Variants in PAAF1 observed in about 807,000 individuals in gnomAD.
The protein encoded by PAAF1 is proteasomal ATPase associated factor 1.
Under a neutral mutation model 52.8 loss-of-function variants are expected in PAAF1, and 46 were observed. The observed-to-expected ratio is 0.87, with a 90% CI of 0.69 to 1.11. The LOEUF (loss-of-function observed/expected upper bound fraction) is 1.11, where lower values mean the gene tolerates loss of function less well. PAAF1 is among the 50% of genes most tolerant of loss of function. The pLI is 0.00. For missense variants in PAAF1, 424 were observed against 477.4 expected, an observed-to-expected ratio of 0.89 and a Z score of 1.04; for synonymous variants, 178 against 172.8, an observed-to-expected ratio of 1.03 and a Z score of -0.24.
At chr11:73,922,004 T>G in intron 10 of PAAF1, 1 of 821,588 alleles carries the variant, frequency 1.2e-6, no homozygotes, top group South Asian at 1.3e-5. Flanking sequence ...TCCTGTCAGC[T>G]TCATTCTTAA....
Position 73,927,499 on chromosome 11 carries a change from G to A in PAAF1, c.*137G>A. ...CCTTGGAAATCACAGAAAGTCAGCT[G>A]TACTGGCCGTGTGGAACTCTCATCC... is the stretch of plus-strand genomic sequence containing the variant. On this transcript the variant is annotated 3_prime_UTR_variant, in exon 12 of 12. Coordinates refer to ENST00000310571, the MANE Select transcript of PAAF1 (RefSeq NM_025155.3). The A allele has an allele frequency of 1.4e-6, 1 of 716,830 alleles. No homozygotes were observed. Among genetic ancestry groups the A allele is most frequent in the Non-Finnish European group, 2.4e-6 (1 of 418,624 alleles). The allele number at this position is 716,830 out of a possible 1,614,324, so 44.4% of individuals were successfully genotyped here.
At position 73,921,298 on chromosome 11, in the gene PAAF1, G is replaced by A. The variant is rs1368895105; in HGVS notation, c.1018+2266G>A. 4.4e-5 allele frequency among the ~76,000 whole-genome samples: 5 copies of A among 114,420 alleles called. No individual in the cohort carries two copies. The East Asian group carries it at 9.5e-4, about 22-fold the overall frequency. The allele number at this position is 114,420 out of a possible 152,430, so 75.1% of individuals were successfully genotyped here. A position where few individuals can be genotyped will look rare whatever the true frequency, so the allele number is the denominator to read the frequency against. On this transcript the variant is annotated intron_variant, in intron 10 of 11. Transcript: ENST00000310571. The stretch of plus-strand genomic sequence containing the variant: ...CTCAGCGACAGAGTGAGACTGCCTC[G>A]CAAAAAAAAAAAAAAATCTCTGTTG...
chr11:73,926,889 T>C (rs769494625), intron 11 of PAAF1, among the ~76,000 whole-genome samples: 1 of 152,112 alleles, frequency 6.6e-6, no homozygotes, highest in Non-Finnish European at 1.5e-5. Flanking sequence ...GAGGAGTTGA[T>C]GAAATCCTCC....
At chr11:73,881,437 A>G (rs1179653354) in intron 2 of PAAF1, among the ~76,000 whole-genome samples, 2 of 151,934 alleles carry the variant, frequency 1.3e-5, no homozygotes, top group Non-Finnish European at 2.9e-5. Context: ...AGCTGGGACT[A>G]CTACCATGCC....
chr11:73,925,666 C>T (rs2135240487), intron 11 of PAAF1, among the ~76,000 whole-genome samples: 1 of 152,050 alleles, frequency 6.6e-6, no homozygotes, highest in Non-Finnish European at 1.5e-5. Context: ...TAGAGAAAAA[C>T]AAAAGGGGAA....
At chr11:73,910,168 C>G (rs1303339660) in intron 7 of PAAF1, among the ~76,000 whole-genome samples, 1 of 152,122 alleles carries the variant, frequency 6.6e-6, no homozygotes, top group African/African-American at 2.4e-5. Context: ...AGTGATGCTC[C>G]CACCACAGCC....
chr11:73,878,292 T>C (rs1021044001), intron 1 of PAAF1, among the ~76,000 whole-genome samples: 17 of 152,184 alleles, frequency 1.1e-4, no homozygotes, highest in Admixed American at 6.5e-4. Context: ...TGATAGAGGG[T>C]TGCTGTCAAC....
chr11:73,901,438 A>C (rs966637646), intron 6 of PAAF1, among the ~76,000 whole-genome samples: 10 of 152,196 alleles, frequency 6.6e-5, no homozygotes, highest in African/African-American at 2.4e-4. Context: ...ATATGTGATA[A>C]TATCCCCAAA....
intron 8 of PAAF1, among the ~76,000 whole-genome samples, chr11:73,916,324 A>AT (rs1221353044): frequency 6.6e-6 from 1 of 152,178 alleles, no homozygotes; most frequent in Non-Finnish European, 1.5e-5. Context: ...AGTATATTAT[A>AT]TAACCTGCTC....
chr11:73,882,292 G>A (rs1206051261), intron 2 of PAAF1, among the ~76,000 whole-genome samples: 10 of 148,806 alleles, frequency 6.7e-5, no homozygotes, highest in African/African-American at 1.7e-4. Context: ...GATTACAGGC[G>A]TGAGGCACCG....
At chr11:73,901,749 T>C (rs926900465) in intron 6 of PAAF1, among the ~76,000 whole-genome samples, 1 of 152,136 alleles carries the variant, frequency 6.6e-6, no homozygotes, top group Non-Finnish European at 1.5e-5. Flanking sequence ...TTTGTATTTT[T>C]AGTAGAGATG....
chr11:73,885,139 G>A (rs1949025855), intron 2 of PAAF1, among the ~76,000 whole-genome samples: 1 of 149,144 alleles, frequency 6.7e-6, no homozygotes, highest in Non-Finnish European at 1.5e-5. Context: ...GATTACAGGC[G>A]TGATATTCTT....
intron 10 of PAAF1, chr11:73,921,878 T>G: frequency 8.9e-7 from 1 of 1,122,354 alleles, no homozygotes; most frequent in Non-Finnish European, 1.3e-6. Context: ...TCTCCAGGAA[T>G]GGGAAAGTTA....
chr11:73,910,483 TA>T (rs1219223873), intron 7 of PAAF1, among the ~76,000 whole-genome samples: 1 of 152,038 alleles, frequency 6.6e-6, no homozygotes, highest in Non-Finnish European at 1.5e-5. Context: ...AAAGTTGAAT[TA>T]AGAGGGGTAG....
intron 6 of PAAF1, among the ~76,000 whole-genome samples, chr11:73,904,430 C>G (rs1949704286): frequency 6.6e-6 from 1 of 152,070 alleles, no homozygotes; most frequent in African/African-American, 2.4e-5. Flanking sequence ...ACATTGAGAC[C>G]AAATTACACC....
intron 5 of PAAF1, among the ~76,000 whole-genome samples, chr11:73,899,578 A>G (rs541716209): frequency 6.6e-6 from 1 of 151,698 alleles, no homozygotes; most frequent in South Asian, 2.1e-4. Flanking sequence ...CACACATCTA[A>G]TTTTTGTATT....
At chr11:73,894,027 T>G (rs1949278767) in intron 4 of PAAF1, among the ~76,000 whole-genome samples, 1 of 152,114 alleles carries the variant, frequency 6.6e-6, no homozygotes, top group South Asian at 2.1e-4. Context: ...GGTCTCAAAC[T>G]CCTGACTTCA....
chr11:73,927,248 C>T (rs780110898), intron 11 of PAAF1, 37 bp from the exon 12 acceptor site: 35 of 1,523,602 alleles, frequency 2.3e-5, no homozygotes, highest in Non-Finnish European at 2.6e-5. Context: ...TGGAAGAATC[C>T]CAGGCTTCCT....
At chr11:73,893,626 A>C (rs1055362602) in intron 4 of PAAF1, among the ~76,000 whole-genome samples, 2 of 150,148 alleles carry the variant, frequency 1.3e-5, no homozygotes, top group Non-Finnish European at 2.9e-5. Context: ...AATCCCAGCT[A>C]CTCGGGAGGT....
Sources: allele counts gnomAD v4.1 joint callset (sites outside exome capture counted in the v4.1 genomes callset), GRCh38; gene constraint gnomAD v4.1.1; transcripts MANE v1.5; gene names NCBI Gene and HGNC (gene_info 2026-07-23, HGNC 2026-07-21).